Variants in SLC30A9 observed in about 807,000 individuals in gnomAD.
SLC30A9 encodes the protein solute carrier family 30 member 9.
Under a neutral mutation model 87.5 loss-of-function variants are expected in SLC30A9, and 58 were observed. The ratio of observed to expected loss-of-function variants is 0.66; its 90% CI spans 0.54 to 0.82. SLC30A9 has a LOEUF of 0.82. Among genes scored for constraint, SLC30A9 ranks in the 40% least tolerant of loss-of-function variants. The probability of loss-of-function intolerance (pLI) is 0.00; values close to 1 mark genes in which losing one functional copy is unlikely to be tolerated. For missense variants in SLC30A9, 557 were observed against 679.1 expected (o/e 0.82, Z 2.00); for synonymous variants, 234 against 233.0 (o/e 1.00, Z -0.04).
chr4:42,049,204 C>T (rs1055177449), intron 8 of SLC30A9, among the ~76,000 whole-genome samples, 173 bp from the exon 9 acceptor site: 1 of 152,080 alleles, frequency 6.6e-6, no homozygotes, highest in South Asian at 2.1e-4. Flanking sequence ...GTCCTCAAGC[C>T]ATCCTCCCAC....
Position 42,087,827 on chromosome 4 carries a change from T to A in SLC30A9, c.*1701T>A, listed in dbSNP as rs1022654754. ...TCCTTCCCCTTTCCCACTTGCCATT[T>A]ATTACTTCATGTCATTGCCATATGA... On this transcript the variant is annotated 3_prime_UTR_variant, in exon 18 of 18. Coordinates refer to ENST00000264451, the MANE Select transcript of SLC30A9 (RefSeq NM_006345.4). 3 of 152,038 alleles carry A rather than the reference T, an allele frequency of 2.0e-5. No individual in the cohort carries two copies. Among genetic ancestry groups the A allele is most frequent in the Non-Finnish European group, 4.4e-5 (3 of 68,010 alleles). 9.4% of individuals were successfully genotyped at this position (152,038 alleles called of 1,614,324 possible).
At chr4:42,066,725 C>A (rs934338240) in intron 13 of SLC30A9, 104 bp downstream of exon 13, 2 of 688,132 alleles carry the variant, frequency 2.9e-6, no homozygotes, top group Non-Finnish European at 4.9e-6. Flanking sequence ...CAAAATATAT[C>A]TGAATATCAT....
Position 42,022,894 on chromosome 4 carries a change from CTTT to C in SLC30A9, c.493_495del (p.Phe165del), listed in dbSNP as rs1343363970. 3 of 1,599,428 alleles carry C rather than the reference CTTT, an allele frequency of 1.9e-6. No individual in the cohort carries two copies. Among genetic ancestry groups the C allele is most frequent in the Non-Finnish European group, 2.6e-6 (3 of 1,170,688 alleles). ...CGAAGTCCCCATGAAGATACTGAGT[CTTT>C]TACTGTATACTTGAGATCAGATGTG... On this transcript the variant is annotated inframe_deletion, in exon 5 of 18. Transcript: ENST00000264451.
At chr4:42,037,485 T>G (rs1185408041) in intron 7 of SLC30A9, among the ~76,000 whole-genome samples, 1 of 152,048 alleles carries the variant, frequency 6.6e-6, no homozygotes, top group Non-Finnish European at 1.5e-5. Context: ...TTCAGAGAAT[T>G]GGAAGTACCT....
rs147813705 is a variant in SLC30A9 at position 41,990,805 on chromosome 4, G to A, written c.109+45G>A. The A allele has an allele frequency of 1.6e-3, 2,242 of 1,437,988 alleles. 6 individuals are homozygous for A. The highest frequency in any genetic ancestry group is 1.7e-3 in the Non-Finnish European group (1,796 of 1,034,334). The allele number at this position is 1,437,988 out of a possible 1,614,324, so 89.1% of individuals were successfully genotyped here. On this transcript the variant is annotated intron_variant, in intron 1 of 17. Coordinates refer to ENST00000264451, the MANE Select transcript of SLC30A9 (RefSeq NM_006345.4). ...CGCTGGCTCCGTAGAAGCCGAACTGGAGGGCCAGGCTGGGCTCGGCGCCTC... is the reference window on the plus strand; with the variant it reads ...CGCTGGCTCCGTAGAAGCCGAACTGAAGGGCCAGGCTGGGCTCGGCGCCTC...
intron 1 of SLC30A9, among the ~76,000 whole-genome samples, chr4:41,998,462 C>CTTTTTTTTTTTTTTTT (rs34295020): frequency 7.6e-5 from 11 of 144,946 alleles, no homozygotes; most frequent in Non-Finnish European, 6.1e-5. Flanking sequence ...TTCAGTAATT[C>CTTTTTTTTTTTTTTTT]TTTTTTTTTG....
intron 8 of SLC30A9, among the ~76,000 whole-genome samples, chr4:42,048,402 T>C (rs888827590): frequency 6.6e-6 from 1 of 152,110 alleles, no homozygotes; most frequent in African/African-American, 2.4e-5. Flanking sequence ...TAAGAAGTTA[T>C]CTGAGGTGGA....
chr4:41,990,704 T>G lies in SLC30A9; in HGVS notation c.53T>G (p.Leu18Arg). Residue 18 changes from leucine to arginine, a missense_variant, in exon 1 of 18, where the codon CTG becomes CGG. Coordinates refer to ENST00000264451, the MANE Select transcript of SLC30A9 (RefSeq NM_006345.4). ...AAAHRCSWSS[L>R]CRLRLRCRAA... ...GCCCACAGATGTAGCTGGTCCTCCC[T>G]GTGCCGGCTCCGTCTGCGATGCAGG... The G allele has an allele frequency of 1.9e-6, 3 of 1,612,322 alleles. No individual in the cohort carries two copies. Among genetic ancestry groups the G allele is most frequent in the Non-Finnish European group, 1.7e-6 (2 of 1,179,430 alleles).
At chr4:42,060,008 C>A (rs534142897) in intron 9 of SLC30A9, among the ~76,000 whole-genome samples, 183 bp from the exon 10 acceptor site, 2 of 152,064 alleles carry the variant, frequency 1.3e-5, no homozygotes, top group East Asian at 3.9e-4. Context: ...GTGTTTTGAA[C>A]CCCTTTGAGT....
At chr4:42,063,827 T>TA (rs1432481804) in intron 11 of SLC30A9, among the ~76,000 whole-genome samples, 1 of 152,188 alleles carries the variant, frequency 6.6e-6, no homozygotes, top group Non-Finnish European at 1.5e-5. Flanking sequence ...ATTGATCACA[T>TA]AGCCTACCCT....
chr4:42,083,033 C>T (rs1310970662), intron 17 of SLC30A9, among the ~76,000 whole-genome samples: 1 of 152,010 alleles, frequency 6.6e-6, no homozygotes, highest in Non-Finnish European at 1.5e-5. Flanking sequence ...CTCTGTATTT[C>T]AGAGTATAGA....
chr4:42,041,710 T>C (rs1389934224), intron 8 of SLC30A9, among the ~76,000 whole-genome samples: 1 of 152,120 alleles, frequency 6.6e-6, no homozygotes, highest in Non-Finnish European at 1.5e-5. Context: ...CACTCCAACG[T>C]GGGCAAGAAC....
intron 2 of SLC30A9, among the ~76,000 whole-genome samples, chr4:42,016,542 A>G (rs1350051033): frequency 6.6e-6 from 1 of 152,130 alleles, no homozygotes; most frequent in Non-Finnish European, 1.5e-5. Context: ...TATTGTATAT[A>G]TTCTTTTGTG....
intron 1 of SLC30A9, among the ~76,000 whole-genome samples, chr4:41,994,383 T>C (rs1456460123): frequency 6.7e-4 from 102 of 152,108 alleles, no homozygotes; most frequent in Non-Finnish European, 7.4e-5. Flanking sequence ...TCCTTTTTTA[T>C]AAAAAGTTCT....
chr4:42,062,879 TATAAC>T, intron 10 of SLC30A9, 102 bp from the exon 11 acceptor site: 1 of 926,416 alleles, frequency 1.1e-6, no homozygotes. Flanking sequence ...AATATAAAAT[TATAAC>T]ATCTTGATAT....
At chr4:42,012,490 G>A (rs756057006) in intron 2 of SLC30A9, among the ~76,000 whole-genome samples, 1 of 152,164 alleles carries the variant, frequency 6.6e-6, no homozygotes, top group Non-Finnish European at 1.5e-5. Context: ...GAGGTACATA[G>A]TAGGTGTATA....
intron 6 of SLC30A9, among the ~76,000 whole-genome samples, chr4:42,025,723 TGGC>T (rs2153135968): frequency 6.6e-6 from 1 of 152,288 alleles, no homozygotes; most frequent in East Asian, 1.9e-4. Context: ...TGGAGTGCAG[TGGC>T]GCAATCTCAG....
intron 2 of SLC30A9, among the ~76,000 whole-genome samples, chr4:42,007,491 C>T (rs1277485906): frequency 6.6e-6 from 1 of 152,156 alleles, no homozygotes; most frequent in African/African-American, 2.4e-5. Context: ...GTGGCTCATG[C>T]CTGTAATCTC....
At chr4:42,071,693 G>T (rs916563778) in intron 15 of SLC30A9, among the ~76,000 whole-genome samples, 1 of 142,596 alleles carries the variant, frequency 7.0e-6, no homozygotes, top group African/African-American at 2.5e-5. Flanking sequence ...AAAAAAAAAA[G>T]ATTAGAAGTT....
Sources: allele counts gnomAD v4.1 joint callset (sites outside exome capture counted in the v4.1 genomes callset), GRCh38; gene constraint gnomAD v4.1.1; transcripts MANE v1.5; gene names NCBI Gene and HGNC (gene_info 2026-07-23, HGNC 2026-07-21).